ADCY8: variants seen among roughly 807,000 people sequenced by gnomAD.
ADCY8 encodes adenylate cyclase type 8.
Under a neutral mutation model 119.7 loss-of-function variants are expected in ADCY8, and 51 were observed. The observed-to-expected ratio is 0.43, with a 90% CI of 0.34 to 0.54. The LOEUF is 0.54. Among genes scored for constraint, ADCY8 ranks in the 20% least tolerant of loss-of-function variants. The probability of loss-of-function intolerance (pLI) is 0.03; values close to 1 mark genes in which losing one functional copy is unlikely to be tolerated. For missense variants in ADCY8, 1,383 were observed against 1,598.8 expected (o/e 0.87, Z 2.30); for synonymous variants, 665 against 651.0 (o/e 1.02, Z -0.33).
chr8:130,942,597 T>C (rs549582420), intron 4 of ADCY8, among the ~76,000 whole-genome samples: 30 of 152,328 alleles, frequency 2.0e-4, no homozygotes, highest in Middle Eastern at 6.8e-3. Flanking sequence ...GACATTTTGA[T>C]GCTCTAAAAA....
chr8:130,869,159 A>G (rs929928250), intron 8 of ADCY8, among the ~76,000 whole-genome samples: 32 of 152,330 alleles, frequency 2.1e-4, no homozygotes, highest in African/African-American at 7.7e-4. Context: ...TTGCTTTTGC[A>G]GGGCAATGCT....
intron 2 of ADCY8, among the ~76,000 whole-genome samples, chr8:130,977,884 T>C (rs2130717578): frequency 6.6e-6 from 1 of 152,334 alleles, no homozygotes; most frequent in East Asian, 1.9e-4. Flanking sequence ...GTGGATCACA[T>C]GGGGCTGACT....
At position 130,909,772 on chromosome 8, in the gene ADCY8, GC is replaced by G. The variant is rs1819917401; in HGVS notation, c.1575del (p.Trp525CysfsTer53). ...VLCGVLGLRK[W>X]QFDVWSWDVD... The stretch of plus-strand genomic sequence containing the variant: ...ACATCCCAAGACCAGACATCAAACT[GC>G]CACTTCCTTAGTCCCAAAACACCGC... On this transcript the variant is annotated frameshift_variant, in exon 6 of 18. Transcript: ENST00000286355. LOFTEE classifies it high-confidence loss of function. The G allele has an allele frequency of 6.2e-7, 1 of 1,613,952 alleles. No individual in the cohort carries two copies. The highest frequency in any genetic ancestry group is 1.3e-5 in the African/African-American group (1 of 74,876).
Position 130,990,474 on chromosome 8 carries a change from G to C in ADCY8, c.1029C>G (p.Asp343Glu). 6.2e-7 allele frequency: 1 copy of C among 1,614,182 alleles called. No individual in the cohort carries two copies. Among genetic ancestry groups the C allele is most frequent in the East Asian group, 2.2e-5 (1 of 44,888 alleles). The change falls in exon 2 of 18, where the codon GAC becomes GAG. Residue 343 changes from aspartate (D) to glutamate (E), a missense_variant. Physicochemically the swap from Asp to Glu is conservative, Grantham distance 45 (BLOSUM62 2). This residue lies in a region of ADCY8 where 928 missense variants were observed against 1,163.5 expected (regional missense o/e 0.80). Transcript: ENST00000286355. The stretch of plus-strand genomic sequence containing the variant: ...CCAGGAAAGCTTGGCGCTGGGCCCG[G>C]TCTGACAGGTAACTGATGAAGATTC... ...TAGIFISYLSDRAQRQAFLET... is the reference protein window; with the variant it reads ...TAGIFISYLSERAQRQAFLET...
chr8:130,846,055 G>A (rs930839501), intron 11 of ADCY8, among the ~76,000 whole-genome samples: 34 of 152,068 alleles, frequency 2.2e-4, no homozygotes, highest in African/African-American at 6.3e-4. Flanking sequence ...GCAAATGGAC[G>A]GACGGAGAGG....
intron 2 of ADCY8, among the ~76,000 whole-genome samples, chr8:130,977,883 A>G (rs1024294486): frequency 1.3e-5 from 2 of 152,200 alleles, no homozygotes; most frequent in Admixed American, 6.5e-5. Flanking sequence ...AGTGGATCAC[A>G]TGGGGCTGAC....
intron 1 of ADCY8, among the ~76,000 whole-genome samples, chr8:131,004,658 G>A (rs1823058452): frequency 6.6e-6 from 1 of 152,168 alleles, no homozygotes; most frequent in African/African-American, 2.4e-5. Context: ...TATTTACTGA[G>A]TGCCTCCTAT....
rs144387286 is a variant in ADCY8 at position 130,792,628 on chromosome 8, C to T, written c.3061-7153G>A. On this transcript the variant is annotated intron_variant, in intron 15 of 17. Coordinates refer to ENST00000286355, the MANE Select transcript of ADCY8 (RefSeq NM_001115.3). The stretch of plus-strand genomic sequence containing the variant: ...TCTAATCTATCAGCAGATCCTTAGC[C>T]CTATCTTTAAAGACATTCAGGTTCT... 5.6e-3 allele frequency among the ~76,000 whole-genome samples: 848 copies of T among 152,268 alleles called. 5 individuals are homozygous for T. The highest frequency in any genetic ancestry group is 0.027 in the Middle Eastern group (8 of 294).
intron 5 of ADCY8, among the ~76,000 whole-genome samples, chr8:130,935,122 C>G (rs1193976184): frequency 1.3e-5 from 2 of 152,170 alleles, no homozygotes; most frequent in Admixed American, 1.3e-4. Context: ...TGGACACATG[C>G]CTTCTGCTGA....
Position 131,040,107 on chromosome 8 carries a change from G to C in ADCY8, c.227C>G (p.Pro76Arg). Reference protein sequence around the residue: ...GKASDPAGGGPNHHAPQLSGD... With the variant: ...GKASDPAGGGRNHHAPQLSGD... ...TGACAGCTGCGGCGCGTGGTGGTTG[G>C]GGCCGCCGCCCGCAGGGTCCGAGGC... The change falls in exon 1 of 18, where the codon CCC (proline) becomes CGC (arginine). Residue 76 changes from proline to arginine, a missense_variant. Pro to Arg is a moderately radical substitution (Grantham distance 103, BLOSUM62 -2). This residue lies in a region of ADCY8 where 455 missense variants were observed against 435.3 expected (regional missense o/e 1.05). Transcript: ENST00000286355. 2.6e-6 allele frequency: 4 copies of C among 1,527,338 alleles called. No individual in the cohort carries two copies. The highest frequency in any genetic ancestry group is 3.5e-6 in the Non-Finnish European group (4 of 1,143,760). The allele number at this position is 1,527,338 out of a possible 1,614,324, so 94.6% of individuals were successfully genotyped here.
chr8:130,987,281 C>T (rs1300941796), intron 2 of ADCY8, among the ~76,000 whole-genome samples: 1 of 152,192 alleles, frequency 6.6e-6, no homozygotes, highest in East Asian at 1.9e-4. Flanking sequence ...CTTCTGCAAG[C>T]CTCCAGGTTA....
At chr8:130,997,119 T>C (rs1178428640) in intron 1 of ADCY8, among the ~76,000 whole-genome samples, 1 of 152,170 alleles carries the variant, frequency 6.6e-6, no homozygotes, top group East Asian at 1.9e-4. Flanking sequence ...AAATACTTAA[T>C]GACATTAGCA....
At chr8:130,890,121 C>T (rs11780463) in intron 7 of ADCY8, among the ~76,000 whole-genome samples, 3,312 of 149,758 alleles carry the variant, frequency 0.022, 74 homozygotes, top group South Asian at 0.081. Flanking sequence ...AGTGGATAGA[C>T]GAAAGGTCAA....
chr8:130,847,323 T>C, intron 11 of ADCY8, 101 bp downstream of exon 11: 1 of 798,198 alleles, frequency 1.3e-6, no homozygotes, highest in Non-Finnish European at 2.0e-6. Context: ...AACAGGCCTC[T>C]TGAGTATTTT....
In ADCY8 at chr8:130,927,562, G is replaced by A. The variant is rs144865716; in HGVS notation, c.1481+9511C>T. On this transcript the variant is annotated intron_variant, in intron 5 of 17. Transcript: ENST00000286355. ...GTAGTTTAGGTTCACTATCTTAATC[G>A]TTTCTTTCGTTATGCAGAAAGTTTT... Among the ~76,000 whole-genome samples, 483 of 152,164 alleles carry A rather than the reference G, an allele frequency of 3.2e-3. 4 individuals carry two copies. Among genetic ancestry groups the A allele is most frequent in the African/African-American group, 0.01 (432 of 41,512 alleles).
chr8:130,896,806 T>C (rs537218829), intron 7 of ADCY8, among the ~76,000 whole-genome samples: 2 of 152,278 alleles, frequency 1.3e-5, no homozygotes, highest in South Asian at 2.1e-4. Context: ...GTAAGATAAC[T>C]GTAAACAGTG....
At chr8:130,843,384 C>A (rs1365182572) in intron 11 of ADCY8, among the ~76,000 whole-genome samples, 1 of 152,162 alleles carries the variant, frequency 6.6e-6, no homozygotes, top group Non-Finnish European at 1.5e-5. Flanking sequence ...AGGTTTTTCT[C>A]TCTATGCAAC....
intron 11 of ADCY8, 133 bp from the exon 12 acceptor site, chr8:130,836,582 A>G: frequency 1.2e-6 from 1 of 857,072 alleles, no homozygotes; most frequent in Non-Finnish European, 1.8e-6. Flanking sequence ...CCTGAAATTC[A>G]ACAGGTCCCA....
Position 130,946,577 on chromosome 8 carries a change from C to T in ADCY8, c.1242-3115G>A, listed in dbSNP as rs1226466919. Reference sequence around the variant, plus strand: ...CTCAAGCTTCTCGCCCTGTTGGTGCCCCTCTCTGTCATAACACTTAACTCT... The same window carrying T: ...CTCAAGCTTCTCGCCCTGTTGGTGCTCCTCTCTGTCATAACACTTAACTCT... On this transcript the variant is annotated intron_variant, in intron 3 of 17. Coordinates refer to ENST00000286355, the MANE Select transcript of ADCY8 (RefSeq NM_001115.3). Among the ~76,000 whole-genome samples the T allele has an allele frequency of 2.6e-5, 4 of 152,100 alleles. No individual in the cohort carries two copies. The East Asian group carries it at 7.7e-4, about 29-fold the overall frequency.
Sources: allele counts gnomAD v4.1 joint callset (sites outside exome capture counted in the v4.1 genomes callset), GRCh38; gene constraint gnomAD v4.1.1; regional missense constraint gnomAD v4.1.1; transcripts MANE v1.5; gene names NCBI Gene and HGNC (gene_info 2026-07-23, HGNC 2026-07-21).